The following SETD7 variants were observed in gnomAD, a reference collection of about 807,000 sequenced individuals.
SETD7 encodes SET domain containing 7, histone lysine methyltransferase, also known as histone-lysine N-methyltransferase SETD7.
SETD7 carries 16 observed loss-of-function variants against 41.8 expected under a neutral mutation model. The observed-to-expected ratio is 0.38, with a 90% CI of 0.26 to 0.58. The LOEUF is 0.58. SETD7 is among the 20% of genes least tolerant of loss of function. SETD7 has a pLI of 0.64. For missense variants in SETD7, 346 were observed against 459.7 expected (o/e 0.75, Z 2.26); for synonymous variants, 163 against 169.7 (o/e 0.96, Z 0.31).
downstream of SETD7, among the ~76,000 whole-genome samples, chr4:139,494,760 G>T (rs2111103797): frequency 6.6e-6 from 1 of 152,354 alleles, no homozygotes; most frequent in South Asian, 2.1e-4. Flanking sequence ...CAGGAATTCT[G>T]ATTCTACAGC....
intron 6 of SETD7, 60 bp from the exon 7 acceptor site, chr4:139,518,102 A>T: frequency 2.0e-6 from 3 of 1,507,754 alleles, no homozygotes; most frequent in Non-Finnish European, 8.9e-7. Context: ...GTCAAAGGAC[A>T]TCAGAGATAT....
chr4:139,512,374 T>C (rs2111122545), intron 7 of SETD7, among the ~76,000 whole-genome samples: 1 of 152,306 alleles, frequency 6.6e-6, no homozygotes, highest in Non-Finnish European at 1.5e-5. Context: ...AGAGAGGAAA[T>C]ATTATTTTCT....
At chr4:139,538,329 A>G (rs1467436973) in intron 2 of SETD7, among the ~76,000 whole-genome samples, 1 of 152,142 alleles carries the variant, frequency 6.6e-6, no homozygotes, top group Non-Finnish European at 1.5e-5. Flanking sequence ...AGTATTTAAG[A>G]CTTTTTCATT....
intron 1 of SETD7, among the ~76,000 whole-genome samples, chr4:139,554,557 CT>C (rs1327665828): frequency 6.6e-6 from 1 of 152,212 alleles, no homozygotes; most frequent in Admixed American, 6.5e-5. Context: ...TCTCAGAAGG[CT>C]CCCTGTGGAT....
chr4:139,506,819 C>A lies in SETD7; in HGVS notation c.*4844G>T, dbSNP rs1234534982. On this transcript the variant is annotated 3_prime_UTR_variant, in exon 8 of 8. Transcript: ENST00000274031. ...TCCTAGGGATGTGATTGACTCTTGA[C>A]ATTTAACAACTTTGAACAACTGTGT... The A allele has an allele frequency of 6.6e-6, 1 of 152,608 alleles. No individual in the cohort carries two copies. The highest frequency in any genetic ancestry group is 1.5e-5 in the Non-Finnish European group (1 of 68,028). The allele number at this position is 152,608 out of a possible 1,614,324, so 9.5% of individuals were successfully genotyped here.
rs532302963 is a variant in SETD7 at position 139,523,455 on chromosome 4, A to G, written c.563-20T>C. On this transcript the variant is annotated intron_variant, in intron 4 of 7. Coordinates refer to ENST00000274031, the MANE Select transcript of SETD7 (RefSeq NM_030648.4). The stretch of plus-strand genomic sequence containing the variant: ...CTGAATCTGAAAAGCAAACAAAAAT[A>G]CCAGTATAGGTGCAGAGTTAGGGAA... The G allele has an allele frequency of 1.9e-6, 3 of 1,560,400 alleles. No individual in the cohort carries two copies. Among genetic ancestry groups the G allele is most frequent in the African/African-American group, 1.4e-5 (1 of 73,984 alleles).
intron 5 of SETD7, among the ~76,000 whole-genome samples, chr4:139,522,277 C>T (rs1433432371): frequency 6.6e-6 from 1 of 152,178 alleles, no homozygotes; most frequent in Non-Finnish European, 1.5e-5. Context: ...GCTTACAAAA[C>T]ACGAGGCAAA....
intron 7 of SETD7, 74 bp downstream of exon 7, chr4:139,517,796 TCTGAGGCAGAATAAC>T: frequency 7.2e-7 from 1 of 1,396,644 alleles, no homozygotes; most frequent in Admixed American, 2.2e-5. Context: ...GCAGCCTTTA[TCTGAGGCAGAATAAC>T]ACTTTTTACT....
chr4:139,530,318 A>G (rs1210694747), intron 3 of SETD7, among the ~76,000 whole-genome samples: 1 of 150,316 alleles, frequency 6.7e-6, no homozygotes, highest in Non-Finnish European at 1.5e-5. Context: ...CTCAAAGCCA[A>G]TGATGTAGGA....
At chr4:139,552,113 TATTAATTGTGAGGGTCATGA>T (rs1217981299) in intron 1 of SETD7, among the ~76,000 whole-genome samples, 1 of 152,154 alleles carries the variant, frequency 6.6e-6, no homozygotes, top group African/African-American at 2.4e-5. Flanking sequence ...AGGGTTCATC[TATTAATTGTGAGGGTCATGA>T]TTTTAATGTG....
rs906573612 is a variant in SETD7 at position 139,508,826 on chromosome 4, G to A, written c.*2837C>T. 1.3e-5 allele frequency: 2 copies of A among 152,124 alleles called. No homozygotes were observed. Among genetic ancestry groups the A allele is most frequent in the Non-Finnish European group, 2.9e-5 (2 of 68,024 alleles). 9.4% of individuals were successfully genotyped at this position (152,124 alleles called of 1,614,324 possible). On this transcript the variant is annotated 3_prime_UTR_variant, in exon 8 of 8. Transcript: ENST00000274031. ...TTCCACTTGCGTTTAGGTTCAAACGGGAAACAAACCCTTCCGTCCTCAGCT... is the reference window on the plus strand; with the variant it reads ...TTCCACTTGCGTTTAGGTTCAAACGAGAAACAAACCCTTCCGTCCTCAGCT...
At chr4:139,512,622 A>C (rs1176681269) in intron 7 of SETD7, among the ~76,000 whole-genome samples, 1 of 152,210 alleles carries the variant, frequency 6.6e-6, no homozygotes, top group Non-Finnish European at 1.5e-5. Flanking sequence ...ATAAGCAATA[A>C]ATAGACTTAG....
intron 2 of SETD7, among the ~76,000 whole-genome samples, chr4:139,541,576 G>A (rs183261956): frequency 2.0e-5 from 3 of 152,234 alleles, no homozygotes; most frequent in Non-Finnish European, 2.9e-5. Flanking sequence ...TGAATCTCAG[G>A]ATAATTTCTT....
Position 139,511,446 on chromosome 4 carries a change from C to T in SETD7, c.*217G>A. ...GTCTTATGTCAAATGCTCGACAATA[C>T]CTCTCAGTAGGACGTTGTTGCAAGG... On this transcript the variant is annotated 3_prime_UTR_variant, in exon 8 of 8. Transcript: ENST00000274031. 1.4e-6 allele frequency: 1 copy of T among 694,322 alleles called. No homozygotes were observed. Among genetic ancestry groups the T allele is most frequent in the South Asian group, 2.2e-5 (1 of 45,966 alleles). 43.0% of individuals were successfully genotyped at this position (694,322 alleles called of 1,614,324 possible).
chr4:139,503,254 G>GATC (rs957826269), downstream of SETD7, among the ~76,000 whole-genome samples: 1 of 150,896 alleles, frequency 6.6e-6, no homozygotes, highest in Non-Finnish European at 1.5e-5. Context: ...CAGTCAAAGA[G>GATC]ATCAGTTGAT....
At chr4:139,543,331 C>G (rs1429806823) in intron 2 of SETD7, among the ~76,000 whole-genome samples, 1 of 152,250 alleles carries the variant, frequency 6.6e-6, no homozygotes, top group South Asian at 2.1e-4. Context: ...AATCCCACAT[C>G]TGCCTTAGAA....
downstream of SETD7, among the ~76,000 whole-genome samples, chr4:139,494,214 A>C (rs1211536234): frequency 9.2e-5 from 14 of 152,192 alleles, no homozygotes; most frequent in Non-Finnish European, 1.6e-4. Context: ...AGGATGGTTA[A>C]AGAGCACAAA....
chr4:139,553,165 T>A (rs1195816466), intron 1 of SETD7, among the ~76,000 whole-genome samples: 1 of 152,200 alleles, frequency 6.6e-6, no homozygotes, highest in Non-Finnish European at 1.5e-5. Context: ...CCTCAGGGAA[T>A]TGTCCACTCT....
intron 2 of SETD7, chr4:139,546,633 G>T: frequency 2.4e-6 from 1 of 416,936 alleles, no homozygotes; most frequent in Non-Finnish European, 4.5e-6. Context: ...CAAAGAATTG[G>T]GTGACCATGT....
Sources: allele counts gnomAD v4.1 joint callset (sites outside exome capture counted in the v4.1 genomes callset), GRCh38; gene constraint gnomAD v4.1.1; transcripts MANE v1.5; gene names NCBI Gene and HGNC (gene_info 2026-07-23, HGNC 2026-07-21).